SAYSD1: variants seen among roughly 807,000 people sequenced by gnomAD.
The protein encoded by SAYSD1 is SAYSVFN motif domain containing 1.
SAYSD1 carries 15 observed loss-of-function variants against 14.5 expected under a neutral mutation model. The ratio of observed to expected loss-of-function variants is 1.03; its 90% CI spans 0.69 to 1.59. The LOEUF (loss-of-function observed/expected upper bound fraction) is 1.59, where lower values mean the gene tolerates loss of function less well. Among genes scored for constraint, SAYSD1 ranks in the 40% most tolerant of loss-of-function variants. SAYSD1 has a pLI of 0.00. For missense variants in SAYSD1, 247 were observed against 227.3 expected (o/e 1.09, Z -0.56); for synonymous variants, 105 against 102.6 (o/e 1.02, Z -0.14).
At chr6:39,114,821 G>C in intron 1 of SAYSD1, 62 bp downstream of exon 1, 2 of 1,547,156 alleles carry the variant, frequency 1.3e-6, no homozygotes, top group South Asian at 2.2e-5. Context: ...CGGCAGCTAG[G>C]GCCGCGCCCT....
Position 39,105,529 on chromosome 6 carries a change from T to A in SAYSD1, c.455A>T (p.Tyr152Phe). 3 of 1,614,088 alleles carry A rather than the reference T, an allele frequency of 1.9e-6. No individual in the cohort carries two copies. Residue 152 changes from tyrosine to phenylalanine, a missense_variant, in exon 2 of 2, where the codon TAC becomes TTC. Physicochemically the swap from Tyr to Phe is conservative, Grantham distance 22. Coordinates refer to ENST00000229903, the MANE Select transcript of SAYSD1 (RefSeq NM_018322.3). The part of the protein sequence containing the change: ...EEKKEGEKSA[Y>F]SVFNPGCEAI... Reference sequence around the variant, plus strand: ...TTCACAGCCTGGATTGAACACAGAGTAGGCGCTCTTCTCTCCCTCTTTCTT... The same window carrying A: ...TTCACAGCCTGGATTGAACACAGAGAAGGCGCTCTTCTCTCCCTCTTTCTT...
intron 1 of SAYSD1, chr6:39,109,297 G>T: frequency 6.5e-7 from 1 of 1,549,768 alleles, no homozygotes; most frequent in Non-Finnish European, 8.7e-7. Flanking sequence ...GTTTCTGTAG[G>T]AATTTTTAAA....
rs1399349973 is a variant in SAYSD1, at chr6:39,105,738, T to C, written c.246A>G (p.Pro82=). The C allele has an allele frequency of 6.2e-7, 1 of 1,614,026 alleles. No homozygotes were observed. Among genetic ancestry groups the C allele is most frequent in the African/African-American group, 1.3e-5 (1 of 74,932 alleles). ...ACGGCAGAGGAATGGCTGTGTTCCA[T>C]GGTGTCTCTGATGTGCTGCCCTGGG... ...AQPQGSTSET[P]WNTAIPLPSC... The change falls in exon 2 of 2, where the codon CCA becomes CCG. Residue 82 remains proline (P), a synonymous_variant. Coordinates refer to ENST00000229903, the MANE Select transcript of SAYSD1 (RefSeq NM_018322.3).
chr6:39,105,859 ATTGCTCTGAGAAGGC>A, intron 1 of SAYSD1, 83 bp from the exon 2 acceptor site: 1 of 1,287,462 alleles, frequency 7.8e-7, no homozygotes, highest in Non-Finnish European at 1.1e-6. Context: ...GGCAGTTTTC[ATTGCTCTGAGAAGGC>A]TGCTGGCTCA....
intron 1 of SAYSD1, among the ~76,000 whole-genome samples, chr6:39,110,129 G>A (rs902444434): frequency 1.3e-5 from 2 of 152,132 alleles, no homozygotes; most frequent in Non-Finnish European, 2.9e-5. Flanking sequence ...CAGGTGATAT[G>A]ATTTCAGTAT....
At chr6:39,105,912 C>G in intron 1 of SAYSD1, 136 bp from the exon 2 acceptor site, 1 of 739,314 alleles carries the variant, frequency 1.4e-6, no homozygotes, top group South Asian at 1.9e-5. Context: ...ATGCAACTCT[C>G]TAAAACAATC....
chr6:39,112,746 T>A (rs548385768), intron 1 of SAYSD1: 1 of 152,330 alleles, frequency 6.6e-6, no homozygotes, highest in African/African-American at 2.4e-5. Flanking sequence ...ATGGTGCTCA[T>A]AAGAAAGGGG....
At chr6:39,109,359 T>G (rs1288027369) in intron 1 of SAYSD1, 1 of 1,551,012 alleles carries the variant, frequency 6.4e-7, no homozygotes. Flanking sequence ...CAGAATTATT[T>G]CAGGAAACTG....
At position 39,105,524 on chromosome 6, in the gene SAYSD1, C is replaced by T. The variant is rs543284781; in HGVS notation, c.460G>A (p.Val154Met). ...ATGGCTTCACAGCCTGGATTGAACA[C>T]AGAGTAGGCGCTCTTCTCTCCCTCT... ...KKEGEKSAYSVFNPGCEAIQG... is the reference protein window; with the variant it reads ...KKEGEKSAYSMFNPGCEAIQG... The change falls in exon 2 of 2, where the codon GTG (valine) becomes ATG (methionine). Residue 154 changes from valine to methionine, a missense_variant. Val to Met is a conservative substitution (Grantham distance 21). Transcript: ENST00000229903. 5.6e-6 allele frequency: 9 copies of T among 1,614,250 alleles called. No individual in the cohort carries two copies. In the South Asian group the frequency reaches 7.7e-5, roughly 14 times the overall value.
chr6:39,111,239 A>T (rs192944447), intron 1 of SAYSD1: 1 of 152,354 alleles, frequency 6.6e-6, no homozygotes, highest in African/African-American at 2.4e-5. Context: ...GAAATGAAAG[A>T]TTCTGTTGTG....
At chr6:39,108,378 G>A (rs768214012) in intron 1 of SAYSD1, among the ~76,000 whole-genome samples, 2 of 151,138 alleles carry the variant, frequency 1.3e-5, no homozygotes, top group Non-Finnish European at 2.9e-5. Context: ...GGGCCTTTAT[G>A]GGGGGTGGCA....
chr6:39,109,957 A>C lies in SAYSD1; in HGVS notation c.208-4181T>G, dbSNP rs139334100. Among the ~76,000 whole-genome samples, 810 of 152,220 alleles carry C rather than the reference A, an allele frequency of 5.3e-3. 8 individuals are homozygous for C. The highest frequency in any genetic ancestry group is 0.019 in the African/African-American group (770 of 41,518). ...TATTCCATTTGTGTATATATACTAC[A>C]GTTTCTTTATCCCTTCATCTGCGGA... On this transcript the variant is annotated intron_variant, in intron 1 of 1. Transcript: ENST00000229903.
chr6:39,107,943 A>C (rs1425578791), intron 1 of SAYSD1, among the ~76,000 whole-genome samples: 1 of 152,178 alleles, frequency 6.6e-6, no homozygotes, highest in Non-Finnish European at 1.5e-5. Flanking sequence ...AATGGGAAAC[A>C]GCTGAAGGTC....
rs778316136 is a variant in SAYSD1 at position 39,115,130 on chromosome 6, G to A, written c.-41C>T. The A allele has an allele frequency of 5.8e-6, 9 of 1,562,310 alleles. No homozygotes were observed. In the South Asian group the frequency reaches 6.9e-5, roughly 12 times the overall value. Reference sequence around the variant, plus strand: ...TCCGTTGGCCGATAAGGGAGCGCGCGCCCGCAGGCCGCACAGCAGTTGCCT... The same window carrying A: ...TCCGTTGGCCGATAAGGGAGCGCGCACCCGCAGGCCGCACAGCAGTTGCCT... On this transcript the variant is annotated 5_prime_UTR_variant, in exon 1 of 2. Coordinates refer to ENST00000229903, the MANE Select transcript of SAYSD1 (RefSeq NM_018322.3).
At chr6:39,114,142 T>C (rs975141429) in intron 1 of SAYSD1, among the ~76,000 whole-genome samples, 2 of 152,356 alleles carry the variant, frequency 1.3e-5, no homozygotes, top group South Asian at 2.1e-4. Context: ...CCTTGATATG[T>C]TTTGTCTTGT....
chr6:39,105,339 C>G lies in SAYSD1; in HGVS notation c.*93G>C. Reference sequence around the variant, plus strand: ...TGCAGTCACAGAGCTAACCCGCAAGCTGCCCTTAGTCCTATACACCTGAAA... The same window carrying G: ...TGCAGTCACAGAGCTAACCCGCAAGGTGCCCTTAGTCCTATACACCTGAAA... On this transcript the variant is annotated 3_prime_UTR_variant, in exon 2 of 2. Transcript: ENST00000229903. The G allele has an allele frequency of 9.8e-7, 1 of 1,023,282 alleles. No individual in the cohort carries two copies. 63.4% of individuals were successfully genotyped at this position (1,023,282 alleles called of 1,614,324 possible).
chr6:39,111,979 A>C (rs1375705099), intron 1 of SAYSD1: 1 of 152,226 alleles, frequency 6.6e-6, no homozygotes, highest in Non-Finnish European at 1.5e-5. Flanking sequence ...GTTAGAAAGG[A>C]AAGTGGAGCA....
chr6:39,115,061 G>T lies in SAYSD1; in HGVS notation c.29C>A (p.Ala10Glu), dbSNP rs377371885. 4.3e-6 allele frequency: 7 copies of T among 1,609,630 alleles called. No homozygotes were observed. Among genetic ancestry groups the T allele is most frequent in the South Asian group, 1.1e-5 (1 of 91,046 alleles). ...CGCCAGACCCGCCCGTTTCCGCGCC[G>T]CCCGAAACTCAGCTAACCGCTGTTC... is the stretch of plus-strand genomic sequence containing the variant. MEQRLAEFR[A>E]ARKRAGLAAQ... The change falls in exon 1 of 2, where the codon GCG becomes GAG. Residue 10 changes from alanine to glutamate, a missense_variant. Ala to Glu is a moderately radical substitution (Grantham distance 107). Transcript: ENST00000229903.
At chr6:39,110,873 A>G (rs939148020) in intron 1 of SAYSD1, 8 of 152,152 alleles carry the variant, frequency 5.3e-5, no homozygotes, top group African/African-American at 1.9e-4. Context: ...TGGTGGTCTG[A>G]CAAGCACTCA....
Sources: gnomAD v4.1 joint callset for allele counts (sites outside exome capture counted in the v4.1 genomes callset) on GRCh38, gnomAD v4.1.1 for gene constraint, MANE v1.5 for transcripts, NCBI Gene and HGNC (gene_info 2026-07-23, HGNC 2026-07-21) for gene names.